Variants in ARMH4 observed in about 807,000 individuals in gnomAD.
The protein encoded by ARMH4 is armadillo-like helical domain-containing protein 4.
Under a neutral mutation model 61.9 loss-of-function variants are expected in ARMH4, and 49 were observed. The ratio of observed to expected loss-of-function variants is 0.79; its 90% CI spans 0.63 to 1.00. ARMH4 has a LOEUF of 1.00. Among genes scored for constraint, ARMH4 ranks in the 50% least tolerant of loss-of-function variants. ARMH4 has a pLI of 0.00. For synonymous variants in ARMH4, 368 were observed against 341.5 expected (o/e 1.08, Z -0.85); for missense variants, 934 against 930.0 (o/e 1.00, Z -0.06).
intron 5 of ARMH4, among the ~76,000 whole-genome samples, chr14:58,078,326 T>C (rs982017181): frequency 6.6e-6 from 1 of 152,290 alleles, no homozygotes; most frequent in Middle Eastern, 3.4e-3. Flanking sequence ...CTAGGAGTCA[T>C]CACTTCTTTT....
chr14:58,082,151 G>T lies in ARMH4; in HGVS notation c.2089+14573C>A, dbSNP rs1885248797. Among the ~76,000 whole-genome samples, 5 of 152,172 alleles carry T rather than the reference G, an allele frequency of 3.3e-5. No individual in the cohort carries two copies. In the South Asian group the frequency reaches 1.0e-3, roughly 31 times the overall value. On this transcript the variant is annotated intron_variant, in intron 5 of 7. Transcript: ENST00000267485. Reference sequence around the variant, plus strand: ...ATGCTGACAACCACTGGGTCATGTTGGAAAAAGCAATGAATCAGCAATACT... The same window carrying T: ...ATGCTGACAACCACTGGGTCATGTTTGAAAAAGCAATGAATCAGCAATACT...
chr14:58,093,810 A>T (rs887535558), intron 5 of ARMH4, among the ~76,000 whole-genome samples: 3 of 152,208 alleles, frequency 2.0e-5, no homozygotes, highest in Admixed American at 6.5e-5. Flanking sequence ...TGAGAAGAAC[A>T]GTTTGAAATA....
intron 1 of ARMH4, among the ~76,000 whole-genome samples, chr14:58,146,564 C>T (rs569541100): frequency 7.1e-4 from 108 of 152,356 alleles, no homozygotes; most frequent in African/African-American, 2.4e-3. Context: ...TACTGCATTT[C>T]TGCCACCAGT....
In ARMH4 at chr14:58,001,072, G is replaced by C. The variant is rs1446603284; in HGVS notation, c.*3664C>G. 2 of 152,130 alleles carry C rather than the reference G, an allele frequency of 1.3e-5. No homozygotes were observed. Among genetic ancestry groups the C allele is most frequent in the African/African-American group, 4.8e-5 (2 of 41,438 alleles). The allele number at this position is 152,130 out of a possible 1,614,324, so 9.4% of individuals were successfully genotyped here. On this transcript the variant is annotated 3_prime_UTR_variant, in exon 8 of 8. Coordinates refer to ENST00000267485, the MANE Select transcript of ARMH4 (RefSeq NM_001001872.4). Reference sequence around the variant, plus strand: ...ATTTTGCCTCTGCCCTTATGAGTTTGATTATTTTGGATACCTCAAAGAAGT... The same window carrying C: ...ATTTTGCCTCTGCCCTTATGAGTTTCATTATTTTGGATACCTCAAAGAAGT...
At chr14:58,029,015 T>C (rs1883118501) in intron 5 of ARMH4, among the ~76,000 whole-genome samples, 1 of 152,098 alleles carries the variant, frequency 6.6e-6, no homozygotes, top group Non-Finnish European at 1.5e-5. Flanking sequence ...CTCTATCTAG[T>C]TCTAAAATAT....
At chr14:58,014,467 G>T (rs761654020) in intron 5 of ARMH4, among the ~76,000 whole-genome samples, 2 of 152,176 alleles carry the variant, frequency 1.3e-5, no homozygotes, top group Non-Finnish European at 2.9e-5. Flanking sequence ...TATATAGAGA[G>T]ATGGCAACAT....
At chr14:58,142,274 T>C (rs1254337508) in intron 1 of ARMH4, among the ~76,000 whole-genome samples, 1 of 152,196 alleles carries the variant, frequency 6.6e-6, no homozygotes, top group African/African-American at 2.4e-5. Context: ...ATGTGAAATT[T>C]AGAAATTTCT....
chr14:58,085,621 T>A (rs1333632880), intron 5 of ARMH4, among the ~76,000 whole-genome samples: 1 of 152,182 alleles, frequency 6.6e-6, no homozygotes, highest in African/African-American at 2.4e-5. Context: ...AAAAGAAATG[T>A]GATTTTTTCC....
At position 58,138,563 on chromosome 14, in the gene ARMH4, G is replaced by T; in HGVS notation, c.796C>A (p.Gln266Lys). The change falls in exon 2 of 8, where the codon CAG becomes AAG. Residue 266 changes from glutamine to lysine, a missense_variant. Coordinates refer to ENST00000267485, the MANE Select transcript of ARMH4 (RefSeq NM_001001872.4). ...KPSQMTADNT[Q>K]AAATKQPLET... ...AGTGGTTGCTTGGTGGCAGCAGCCT[G>T]GGTGTTATCAGCTGTCATCTGCGAA... 1 of 1,614,216 alleles carries T rather than the reference G, an allele frequency of 6.2e-7. No individual in the cohort carries two copies. The highest frequency in any genetic ancestry group is 8.5e-7 in the Non-Finnish European group (1 of 1,180,044).
At chr14:58,019,514 T>C (rs1594694297) in intron 5 of ARMH4, among the ~76,000 whole-genome samples, 1 of 152,296 alleles carries the variant, frequency 6.6e-6, no homozygotes, top group African/African-American at 2.4e-5. Context: ...TGTAGCAACT[T>C]GCCACTCTCC....
chr14:58,058,503 G>A (rs989158032), intron 5 of ARMH4, among the ~76,000 whole-genome samples: 4 of 152,130 alleles, frequency 2.6e-5, no homozygotes, highest in African/African-American at 9.7e-5. Flanking sequence ...GAGTTTTCCA[G>A]GAAAGGGGTG....
rs1407943740 is a variant in ARMH4, at chr14:58,002,788, G to A, written c.*1948C>T. The A allele has an allele frequency of 1.3e-5, 2 of 152,202 alleles. No homozygotes were observed. The highest frequency in any genetic ancestry group is 2.9e-5 in the Non-Finnish European group (2 of 68,046). 9.4% of individuals were successfully genotyped at this position (152,202 alleles called of 1,614,324 possible). On this transcript the variant is annotated 3_prime_UTR_variant, in exon 8 of 8. Coordinates refer to ENST00000267485, the MANE Select transcript of ARMH4 (RefSeq NM_001001872.4). ...GTGAAATTACAAATCACTTCTGAGT[G>A]TCATGATTCTGAATTCTATTTTTAA...
At chr14:58,150,726 C>T (rs1338872318) in intron 1 of ARMH4, among the ~76,000 whole-genome samples, 1 of 151,658 alleles carries the variant, frequency 6.6e-6, no homozygotes, top group East Asian at 1.9e-4. Context: ...CACAAGTGCT[C>T]GGTTCATTAT....
chr14:58,109,140 TA>T (rs1009952742), intron 4 of ARMH4, among the ~76,000 whole-genome samples: 10 of 152,220 alleles, frequency 6.6e-5, no homozygotes, highest in African/African-American at 2.2e-4. Flanking sequence ...CATCCTTTTA[TA>T]AAAGGTTTTA....
chr14:58,081,950 A>G (rs971204043), intron 5 of ARMH4, among the ~76,000 whole-genome samples: 6 of 152,182 alleles, frequency 3.9e-5, no homozygotes, highest in African/African-American at 1.4e-4. Flanking sequence ...GAAGGGAAAA[A>G]AAAAAACCTT....
chr14:58,131,414 C>A, intron 4 of ARMH4, 98 bp downstream of exon 4: 1 of 966,920 alleles, frequency 1.0e-6, no homozygotes, highest in South Asian at 1.6e-5. Context: ...ATCTATACTG[C>A]AGATTGAATA....
chr14:58,029,904 G>T (rs963951451), intron 5 of ARMH4, among the ~76,000 whole-genome samples: 1 of 152,004 alleles, frequency 6.6e-6, no homozygotes, highest in East Asian at 1.9e-4. Context: ...ACGTGTACAC[G>T]AATGTTCATA....
intron 1 of ARMH4, among the ~76,000 whole-genome samples, chr14:58,149,844 A>G (rs931573905): frequency 6.6e-6 from 1 of 152,252 alleles, no homozygotes; most frequent in African/African-American, 2.4e-5. Flanking sequence ...AACAAAAGTA[A>G]ATTATCATGC....
intron 5 of ARMH4, among the ~76,000 whole-genome samples, chr14:58,051,519 T>C (rs911019736): frequency 6.6e-6 from 1 of 152,202 alleles, no homozygotes; most frequent in African/African-American, 2.4e-5. Flanking sequence ...AAAGGAATAG[T>C]TCCACCAAAG....
Sources: gnomAD v4.1 joint callset for allele counts (sites outside exome capture counted in the v4.1 genomes callset) on GRCh38, gnomAD v4.1.1 for gene constraint, MANE v1.5 for transcripts, NCBI Gene and HGNC (gene_info 2026-07-23, HGNC 2026-07-21) for gene names.